LGALS1: variants seen among roughly 807,000 people sequenced by gnomAD.
The protein encoded by LGALS1 is galectin 1.
Under a neutral mutation model 14.4 loss-of-function variants are expected in LGALS1, and 14 were observed. The ratio of observed to expected loss-of-function variants is 0.97; its 90% CI spans 0.64 to 1.52. LGALS1 has a LOEUF of 1.52. Ranked by LOEUF, LGALS1 falls within the 40% of genes most tolerant of loss-of-function variation. LGALS1 has a pLI of 0.00. For synonymous variants in LGALS1, 71 were observed against 73.4 expected, an observed-to-expected ratio of 0.97 and a Z score of 0.17; for missense variants, 170 against 181.4, an observed-to-expected ratio of 0.94 and a Z score of 0.36.
In LGALS1 at chr22:37,676,787, G is replaced by T. The variant is rs141672805; in HGVS notation, c.10-199G>T. The T allele has an allele frequency of 6.0e-6, 4 of 669,498 alleles. No homozygotes were observed. In the East Asian group the frequency reaches 1.1e-4, roughly 18 times the overall value. 41.5% of individuals were successfully genotyped at this position (669,498 alleles called of 1,614,324 possible). Reference sequence around the variant, plus strand: ...TACAGACTGAAGCCAACCCCGGTGGGAATAGGGACTTTCCCAGGACCACAT... The same window carrying T: ...TACAGACTGAAGCCAACCCCGGTGGTAATAGGGACTTTCCCAGGACCACAT... On this transcript the variant is annotated intron_variant, in intron 1 of 3. Coordinates refer to ENST00000215909, the MANE Select transcript of LGALS1 (RefSeq NM_002305.4).
chr22:37,678,449 C>T (rs1037076113), intron 2 of LGALS1, 34 bp from the exon 3 acceptor site: 28 of 1,611,476 alleles, frequency 1.7e-5, no homozygotes, highest in African/African-American at 2.7e-5. Flanking sequence ...TGGAGCTGGC[C>T]GAGGTGGCCT....
chr22:37,676,557 G>C (rs1240834066), intron 1 of LGALS1, among the ~76,000 whole-genome samples: 1 of 151,970 alleles, frequency 6.6e-6, no homozygotes, highest in Non-Finnish European at 1.5e-5. Flanking sequence ...TAGTGGGGTC[G>C]CCCGCCCCTA....
In LGALS1 at chr22:37,679,715, G is replaced by A. The variant is rs762718649; in HGVS notation, c.374G>A (p.Gly125Asp). 1 of 1,608,176 alleles carries A rather than the reference G, an allele frequency of 6.2e-7. No homozygotes were observed. The highest frequency in any genetic ancestry group is 8.5e-7 in the Non-Finnish European group (1 of 1,177,346). ...GCCATCAACTACATGGCAGCTGACGGTGACTTCAAGATCAAATGTGTGGCC... is the reference window on the plus strand; with the variant it reads ...GCCATCAACTACATGGCAGCTGACGATGACTTCAAGATCAAATGTGTGGCC... ...LEAINYMAAD[G>D]DFKIKCVAFD Residue 125 changes from glycine (G) to aspartate (D), a missense_variant, in exon 4 of 4, where the codon GGT becomes GAT. Gly to Asp is a moderately conservative substitution (Grantham distance 94). Transcript: ENST00000215909.
intron 3 of LGALS1, among the ~76,000 whole-genome samples, chr22:37,679,153 C>G (rs1175171517): frequency 7.7e-6 from 1 of 129,476 alleles, no homozygotes; most frequent in Non-Finnish European, 1.6e-5. Context: ...AAAAAATTAG[C>G]CAGCGTGCTG....
Position 37,678,471 on chromosome 22 carries a change from G to A in LGALS1, c.90-12G>A, listed in dbSNP as rs766367729. 7 of 1,613,200 alleles carry A rather than the reference G, an allele frequency of 4.3e-6. No homozygotes were observed. Among genetic ancestry groups the A allele is most frequent in the South Asian group, 3.3e-5 (3 of 91,072 alleles). ...GGCCGAGGTGGCCTCATGCCCACCC[G>A]TTACCCCCCAGCTTCGTGCTGAACC... On this transcript the variant is annotated splice_polypyrimidine_tract_variant and intron_variant, in intron 2 of 3. Coordinates refer to ENST00000215909, the MANE Select transcript of LGALS1 (RefSeq NM_002305.4).
At chr22:37,677,307 C>A (rs533744463) in intron 2 of LGALS1, 4 of 535,096 alleles carry the variant, frequency 7.5e-6, no homozygotes, top group Non-Finnish European at 1.4e-5. Context: ...GCCTCGTCAT[C>A]TGTAATACCT....
intron 2 of LGALS1, chr22:37,677,293 T>C: frequency 1.8e-6 from 1 of 554,664 alleles, no homozygotes. Context: ...CTAAACCAGC[T>C]GCAGCCTCGT....
chr22:37,677,200 G>A (rs1447944251), intron 2 of LGALS1, 135 bp downstream of exon 2: 7 of 843,388 alleles, frequency 8.3e-6, no homozygotes, highest in East Asian at 5.3e-5. Context: ...CGTTTTCTGG[G>A]TGACTCACTT....
chr22:37,677,362 C>A (rs991974937), intron 2 of LGALS1: 1 of 387,938 alleles, frequency 2.6e-6, no homozygotes, highest in Admixed American at 4.2e-5. Context: ...CGGGACCTGT[C>A]GCTGGGGAGG....
chr22:37,677,341 T>G, intron 2 of LGALS1: 1 of 446,116 alleles, frequency 2.2e-6, no homozygotes, highest in Non-Finnish European at 4.1e-6. Flanking sequence ...CCCACCCCTT[T>G]CCGGTCTGGG....
Position 37,676,790 on chromosome 22 carries a change from T to C in LGALS1, c.10-196T>C, listed in dbSNP as rs111438101. On this transcript the variant is annotated intron_variant, in intron 1 of 3. Transcript: ENST00000215909. ...AGACTGAAGCCAACCCCGGTGGGAATAGGGACTTTCCCAGGACCACATAGA... is the reference window on the plus strand; with the variant it reads ...AGACTGAAGCCAACCCCGGTGGGAACAGGGACTTTCCCAGGACCACATAGA... 1,202 of 673,140 alleles carry C rather than the reference T, an allele frequency of 1.8e-3. 13 individuals are homozygous for C. The highest frequency in any genetic ancestry group is 0.018 in the African/African-American group (998 of 56,320). The allele number at this position is 673,140 out of a possible 1,614,324, so 41.7% of individuals were successfully genotyped here. A position where few individuals can be genotyped will look rare whatever the true frequency, so the allele number is the denominator to read the frequency against.
chr22:37,675,867 A>C (rs1921406415), intron 1 of LGALS1, among the ~76,000 whole-genome samples, 156 bp downstream of exon 1: 1 of 152,188 alleles, frequency 6.6e-6, no homozygotes, highest in Non-Finnish European at 1.5e-5. Context: ...CATCTGTAAA[A>C]TGGGGGTGGG....
chr22:37,675,777 T>C (rs1443670130), intron 1 of LGALS1, 66 bp downstream of exon 1: 20 of 1,396,792 alleles, frequency 1.4e-5, no homozygotes, highest in Non-Finnish European at 1.9e-5. Flanking sequence ...AGAGGAGAGC[T>C]GGGCAGATCG....
At chr22:37,678,768 C>T in intron 3 of LGALS1, 114 bp downstream of exon 3, 2 of 1,077,046 alleles carry the variant, frequency 1.9e-6, no homozygotes, top group Non-Finnish European at 1.3e-6. Flanking sequence ...CCCCTTCCCT[C>T]CCTTCCTGTG....
At chr22:37,676,498 C>G (rs1921432320) in intron 1 of LGALS1, among the ~76,000 whole-genome samples, 1 of 152,132 alleles carries the variant, frequency 6.6e-6, no homozygotes, top group South Asian at 2.1e-4. Flanking sequence ...TTTTCAGGGT[C>G]TCCTCTCTAG....
At chr22:37,675,743 G>A in intron 1 of LGALS1, 32 bp downstream of exon 1, 1 of 1,526,642 alleles carries the variant, frequency 6.6e-7, no homozygotes, top group Non-Finnish European at 8.8e-7. Context: ...CAAGGTCCAG[G>A]GGATAGGGCA....
chr22:37,679,639 A>T lies in LGALS1; in HGVS notation c.298A>T (p.Lys100Ter). ...CTTCGACCAGGCCAACCTGACCGTCAAGCTGCCAGATGGATACGAATTCAA... is the reference window on the plus strand; with the variant it reads ...CTTCGACCAGGCCAACCTGACCGTCTAGCTGCCAGATGGATACGAATTCAA... ...ITFDQANLTV[K>*]LPDGYEFKFP... The change falls in exon 4 of 4, where the codon AAG becomes TAG. Residue 100 changes from lysine to a stop codon, truncating the protein, a stop_gained. Transcript: ENST00000215909. LOFTEE classifies it high-confidence loss of function. 6.2e-7 allele frequency: 1 copy of T among 1,609,248 alleles called. No homozygotes were observed. Among genetic ancestry groups the T allele is most frequent in the Non-Finnish European group, 8.5e-7 (1 of 1,178,336 alleles).
In LGALS1 at chr22:37,679,778, G is replaced by A; in HGVS notation, c.*29G>A. ...CAGCCAGCCCATGGCCCCCAATAAA[G>A]GCAGCTGCCTCTGCTCCCTCTGAAC... On this transcript the variant is annotated 3_prime_UTR_variant, in exon 4 of 4. Coordinates refer to ENST00000215909, the MANE Select transcript of LGALS1 (RefSeq NM_002305.4). The A allele has an allele frequency of 1.3e-6, 2 of 1,561,844 alleles. No homozygotes were observed. Among genetic ancestry groups the A allele is most frequent in the Admixed American group, 3.7e-5 (2 of 54,338 alleles).
At chr22:37,677,127 G>T in intron 2 of LGALS1, 62 bp downstream of exon 2, 1 of 1,526,706 alleles carries the variant, frequency 6.6e-7, no homozygotes, top group Admixed American at 1.7e-5. Context: ...GGGAGGGCGT[G>T]GCCGGCCAAG....
Sources: allele counts gnomAD v4.1 joint callset (sites outside exome capture counted in the v4.1 genomes callset), GRCh38; gene constraint gnomAD v4.1.1; transcripts MANE v1.5; gene names NCBI Gene and HGNC (gene_info 2026-07-23, HGNC 2026-07-21).